TAF1: variants seen among roughly 807,000 people sequenced by gnomAD.
The protein encoded by TAF1 is TATA-box binding protein associated factor 1.
In TAF1, 2 loss-of-function variants were observed where a neutral mutation model predicts 138.5. That is an observed-to-expected ratio of 0.01 (90% CI 0.01 to 0.05). The LOEUF (loss-of-function observed/expected upper bound fraction) is 0.05, where lower values mean the gene tolerates loss of function less well. Among genes scored for constraint, TAF1 ranks in the 10% least tolerant of loss-of-function variants. The pLI, the probability that TAF1 is intolerant of heterozygous loss-of-function variation, is 1.00. For missense variants in TAF1, 709 were observed against 1,478.0 expected (o/e 0.48, Z 8.53); for synonymous variants, 437 against 503.2 (o/e 0.87, Z 1.76).
At chrX:71,395,674 T>A in intron 22 of TAF1, among the ~76,000 whole-genome samples, 1 of 112,108 alleles carries the variant, frequency 8.9e-6, no homozygotes, top group East Asian at 2.8e-4. Flanking sequence ...TAGTCTTCCC[T>A]TTGTTTCCTC....
At position 71,459,572 on chromosome X, in the gene TAF1, T is replaced by A. The variant is rs1156676081; in HGVS notation, c.5085T>A (p.Gly1695=). 2 of 1,208,515 alleles carry A rather than the reference T, an allele frequency of 1.7e-6. No homozygotes were observed. The highest frequency in any genetic ancestry group is 1.8e-5 in the African/African-American group (1 of 56,736). Residue 1695 remains glycine, a synonymous_variant, in exon 36 of 38, where the codon GGT becomes GGA. Transcript: ENST00000423759. ...QVTQEGEDGD[G]DLADEEEGTV... is the part of the protein sequence containing the mutation. ...TTCAGGAAGGTGAAGATGGAGATGG[T>A]GATCTTGCAGATGAAGAGGAAGGAA... is the stretch of plus-strand genomic sequence containing the variant.
chrX:71,528,008 A>AG (rs1161247553), intron 13 of TAF1: 1 of 172,141 alleles, frequency 5.8e-6, no homozygotes, highest in Non-Finnish European at 1.1e-5. Context: ...ACCTTCAATA[A>AG]GAAAAAACTC....
At chrX:71,460,596 T>C in intron 36 of TAF1, 30 bp from the exon 37 acceptor site, 1 of 1,205,594 alleles carries the variant, frequency 8.3e-7, no homozygotes, top group Non-Finnish European at 1.1e-6. Context: ...GCTTAACTCT[T>C]GATGACCCAG....
intron 13 of TAF1, among the ~76,000 whole-genome samples, chrX:71,503,324 G>GCATATATATATATA (rs2039555157): frequency 2.2e-5 from 2 of 92,774 alleles, no homozygotes; most frequent in African/African-American, 8.9e-5. Context: ...ATATATATGT[G>GCATATATATATATA]TGTGTATATA....
intron 23 of TAF1, 87 bp from the exon 24 acceptor site, chrX:71,398,485 G>C: frequency 8.9e-7 from 1 of 1,123,852 alleles, no homozygotes. Context: ...CTTTAGTCCT[G>C]AGATGTTAGC....
rs2036104780 is a variant in TAF1, at chrX:71,417,810, A to G, written c.4385-3499A>G. On this transcript the variant is annotated intron_variant, in intron 28 of 37. Transcript: ENST00000423759. ...AAGTCAAGGAGCATCTGTATCTCAT[A>G]TGCAGCTCCTCCATAATTCATGGCA... Among the ~76,000 whole-genome samples the G allele has an allele frequency of 2.7e-5, 3 of 111,747 alleles. No homozygotes were observed. In the South Asian group the frequency reaches 1.1e-3, roughly 41 times the overall value.
At chrX:71,487,668 T>G (rs1367859102) in intron 13 of TAF1, among the ~76,000 whole-genome samples, 1 of 112,302 alleles carries the variant, frequency 8.9e-6, no homozygotes, top group African/African-American at 3.2e-5. Flanking sequence ...CTTTTTTATC[T>G]CTAGAAGTTT....
chrX:71,406,306 G>T (rs967329654), intron 25 of TAF1, among the ~76,000 whole-genome samples: 2 of 97,628 alleles, frequency 2.0e-5, no homozygotes, highest in Non-Finnish European at 4.0e-5. Flanking sequence ...TCCAGCCTGG[G>T]TAACGAGCGA....
intron 13 of TAF1, among the ~76,000 whole-genome samples, chrX:71,505,240 G>T (rs890547999): frequency 9.0e-6 from 1 of 111,463 alleles, no homozygotes; most frequent in Non-Finnish European, 1.9e-5. Flanking sequence ...AATGCAGAAG[G>T]ATTCCAAGTA....
intron 28 of TAF1, chrX:71,420,135 C>T (rs1303881511): frequency 6.1e-6 from 3 of 494,632 alleles, no homozygotes; most frequent in African/African-American, 2.4e-5. Flanking sequence ...GACGTGACCC[C>T]GGGGCCTGCT....
At chrX:71,460,271 A>G (rs2038493846) in intron 36 of TAF1, among the ~76,000 whole-genome samples, 1 of 112,125 alleles carries the variant, frequency 8.9e-6, no homozygotes, top group African/African-American at 3.2e-5. Flanking sequence ...TGAGAACAGA[A>G]TGATCAAGTG....
At position 71,483,585 on chromosome X, in the gene TAF1, TCAAA is replaced by T. The variant is rs772139687; in HGVS notation, c.1366+22799_1366+22802del. 3.8e-3 allele frequency among the ~76,000 whole-genome samples: 412 copies of T among 107,337 alleles called. 5 individuals are homozygous for T. Among genetic ancestry groups the T allele is most frequent in the Middle Eastern group, 9.3e-3 (2 of 214 alleles). The allele number at this position is 107,337 out of a possible 115,157, so 93.2% of individuals were successfully genotyped here. A position where few individuals can be genotyped will look rare whatever the true frequency, so the allele number is the denominator to read the frequency against. On this transcript the variant is annotated intron_variant and NMD_transcript_variant, in intron 13 of 14. Transcript: ENST00000373775. ...CTGGGTAACAGAGTGAGACTCTGTC[TCAAA>T]CAAACAAACAAACAAATAAATAAAT...
At chrX:71,524,370 C>T (rs1021330647) in intron 13 of TAF1, among the ~76,000 whole-genome samples, 1 of 110,622 alleles carries the variant, frequency 9.0e-6, no homozygotes, top group East Asian at 2.8e-4. Context: ...ACACATATTA[C>T]AACACACTCC....
chrX:71,512,873 G>A (rs1405004378), intron 13 of TAF1, among the ~76,000 whole-genome samples: 1 of 112,093 alleles, frequency 8.9e-6, no homozygotes, highest in Non-Finnish European at 1.9e-5. Flanking sequence ...TTAATTCAAG[G>A]TGATGGAAGT....
exon 15 of TAF1, chrX:71,529,780 C>T (rs1394741729): frequency 9.2e-6 from 3 of 327,285 alleles, no homozygotes; most frequent in African/African-American, 2.7e-5. Context: ...GGCTTTGAGT[C>T]TCTTCGTCTC....
intron 13 of TAF1, among the ~76,000 whole-genome samples, chrX:71,471,221 G>A (rs780727785): frequency 6.5e-5 from 7 of 106,993 alleles, no homozygotes; most frequent in Non-Finnish European, 1.2e-4. Context: ...GGGAGGCTGA[G>A]GCAGGAGAAT....
At chrX:71,502,764 C>T (rs764491212) in intron 13 of TAF1, among the ~76,000 whole-genome samples, 61 of 106,168 alleles carry the variant, frequency 5.7e-4, no homozygotes, top group African/African-American at 2.0e-3. Context: ...ATGGCAAAAC[C>T]CTGTCTCTAC....
chrX:71,406,680 T>G lies in TAF1; in HGVS notation c.4041T>G (p.Pro1347=). The change falls in exon 26 of 38, where the codon CCT becomes CCG. Residue 1347 remains proline, a synonymous_variant. Coordinates refer to ENST00000423759, the MANE Select transcript of TAF1 (RefSeq NM_004606.5). ...GAAAATCTCTGGTTCTCAAGTTTCC[T>G]AAACAGCAGCTTCCTCCAAAGAAGA... The part of the protein sequence containing the change: ...VRRKSLVLKF[P]KQQLPPKKKR... 5 of 1,211,116 alleles carry G rather than the reference T, an allele frequency of 4.1e-6. No individual in the cohort carries two copies. Among genetic ancestry groups the G allele is most frequent in the Non-Finnish European group, 5.6e-6 (5 of 895,265 alleles).
intron 14 of TAF1, among the ~76,000 whole-genome samples, chrX:71,529,111 G>A (rs1290721097): frequency 5.6e-5 from 6 of 106,355 alleles, no homozygotes; most frequent in South Asian, 4.1e-4. Flanking sequence ...TCGCTCTGTC[G>A]CCCAGGCTGG....
Sources: allele counts gnomAD v4.1 joint callset (sites outside exome capture counted in the v4.1 genomes callset), GRCh38; gene constraint gnomAD v4.1.1; transcripts MANE v1.5; gene names NCBI Gene and HGNC (gene_info 2026-07-23, HGNC 2026-07-21).